The following MAGI1 variants were observed in gnomAD, a reference collection of about 807,000 sequenced individuals.
MAGI1 encodes membrane associated guanylate kinase, WW and PDZ domain containing 1, also known as membrane-associated guanylate kinase, WW and PDZ domain-containing protein 1.
In MAGI1, 58 loss-of-function variants were observed where a neutral mutation model predicts 139.9. The ratio of observed to expected loss-of-function variants is 0.41; its 90% CI spans 0.34 to 0.52. The LOEUF (loss-of-function observed/expected upper bound fraction) is 0.52. Among genes scored for constraint, MAGI1 ranks in the 20% least tolerant of loss-of-function variants. The probability of loss-of-function intolerance (pLI) is 0.12; values close to 1 mark genes in which losing one functional copy is unlikely to be tolerated. For missense variants in MAGI1, 1,874 were observed against 1,901.6 expected (o/e 0.99, Z 0.27); for synonymous variants, 812 against 737.9 (o/e 1.10, Z -1.63).
intron 1 of MAGI1, among the ~76,000 whole-genome samples, chr3:66,011,238 A>G (rs2067305308): frequency 6.6e-6 from 1 of 152,222 alleles, no homozygotes; most frequent in East Asian, 1.9e-4. Flanking sequence ...TAAATGCGCC[A>G]AAGGGAAAAT....
At chr3:65,817,354 A>T (rs964670921) in intron 1 of MAGI1, among the ~76,000 whole-genome samples, 4 of 152,204 alleles carry the variant, frequency 2.6e-5, no homozygotes, top group African/African-American at 9.6e-5. Context: ...TGTACGTATA[A>T]ATCCCTCCAT....
intron 1 of MAGI1, among the ~76,000 whole-genome samples, chr3:65,797,501 C>T (rs2040223220): frequency 1.3e-5 from 2 of 152,146 alleles, no homozygotes; most frequent in African/African-American, 2.4e-5. Context: ...GCCATGCAGA[C>T]GGCTTGAGCC....
chr3:65,971,042 A>G (rs537065247), intron 1 of MAGI1, among the ~76,000 whole-genome samples: 1 of 152,160 alleles, frequency 6.6e-6, no homozygotes, highest in Non-Finnish European at 1.5e-5. Flanking sequence ...ATCTCTACTA[A>G]AAATACAAAA....
chr3:65,380,056 C>T (rs1189497656), intron 16 of MAGI1, among the ~76,000 whole-genome samples: 1 of 152,228 alleles, frequency 6.6e-6, no homozygotes, highest in Non-Finnish European at 1.5e-5. Context: ...AACGTTGAGG[C>T]TACCCGCCCT....
chr3:65,932,779 T>A (rs2106747604), intron 1 of MAGI1, among the ~76,000 whole-genome samples: 1 of 151,342 alleles, frequency 6.6e-6, no homozygotes, highest in South Asian at 2.1e-4. Flanking sequence ...AGATCCTTCA[T>A]GAGGCCCTCT....
At chr3:65,862,552 C>T (rs1017295952) in intron 1 of MAGI1, among the ~76,000 whole-genome samples, 3 of 152,230 alleles carry the variant, frequency 2.0e-5, no homozygotes, top group South Asian at 4.1e-4. Context: ...TTCTATTCCA[C>T]AGCCTCACAT....
intron 1 of MAGI1, among the ~76,000 whole-genome samples, chr3:65,719,524 T>C (rs1284580262): frequency 6.6e-6 from 1 of 151,814 alleles, no homozygotes; most frequent in Non-Finnish European, 1.5e-5. Context: ...ATTAGAGAAG[T>C]ACCATAACTT....
At chr3:65,498,488 G>C (rs1172615601) in intron 2 of MAGI1, among the ~76,000 whole-genome samples, 1 of 152,080 alleles carries the variant, frequency 6.6e-6, no homozygotes, top group Non-Finnish European at 1.5e-5. Context: ...CCATTTCTCA[G>C]ATGTTCACTT....
chr3:65,844,672 G>A (rs896084482), intron 1 of MAGI1, among the ~76,000 whole-genome samples: 1 of 152,160 alleles, frequency 6.6e-6, no homozygotes, highest in Non-Finnish European at 1.5e-5. Context: ...GGGGTCCAGA[G>A]AAGCAGTTCT....
At chr3:65,438,148 T>C (rs1232230189) in intron 9 of MAGI1, among the ~76,000 whole-genome samples, 1 of 152,100 alleles carries the variant, frequency 6.6e-6, no homozygotes. Flanking sequence ...AGTGGATAAC[T>C]GGATAAAGAA....
Position 65,442,980 on chromosome 3 carries a change from C to T in MAGI1, c.1079-131G>A, listed in dbSNP as rs936569118. The T allele has an allele frequency of 4.2e-5, 23 of 552,892 alleles. 1 individual carries two copies. Among genetic ancestry groups the T allele is most frequent in the African/African-American group, 4.0e-4 (21 of 52,852 alleles). The allele number at this position is 552,892 out of a possible 1,614,324, so 34.2% of individuals were successfully genotyped here. A position where few individuals can be genotyped will look rare whatever the true frequency, so the allele number is the denominator to read the frequency against. On this transcript the variant is annotated intron_variant, in intron 7 of 22. Coordinates refer to ENST00000402939, the MANE Select transcript of MAGI1 (RefSeq NM_001033057.2). ...TTAAATCCAATTAAAACTGTATATCCTAACCAAAAAAAAAAAAGTATCTAT... is the reference window on the plus strand; with the variant it reads ...TTAAATCCAATTAAAACTGTATATCTTAACCAAAAAAAAAAAAGTATCTAT...
chr3:66,035,325 G>C (rs1166008252), intron 1 of MAGI1, among the ~76,000 whole-genome samples: 1 of 152,174 alleles, frequency 6.6e-6, no homozygotes, highest in Non-Finnish European at 1.5e-5. Flanking sequence ...TATCCAGAGT[G>C]ATCTGTGTCC....
chr3:65,673,148 G>T (rs1484386912), intron 1 of MAGI1, among the ~76,000 whole-genome samples: 2 of 152,142 alleles, frequency 1.3e-5, no homozygotes, highest in Non-Finnish European at 2.9e-5. Flanking sequence ...TTCGATGACT[G>T]AAGTTTTACA....
At chr3:66,010,923 A>G (rs918998726) in intron 1 of MAGI1, among the ~76,000 whole-genome samples, 14 of 152,222 alleles carry the variant, frequency 9.2e-5, no homozygotes, top group African/African-American at 3.1e-4. Context: ...GCCAGCTGTA[A>G]GCAAAGGGGC....
intron 1 of MAGI1, among the ~76,000 whole-genome samples, chr3:65,791,125 C>A (rs530947409): frequency 6.6e-6 from 1 of 152,128 alleles, no homozygotes; most frequent in Non-Finnish European, 1.5e-5. Flanking sequence ...ATGCTTTATA[C>A]GTGCAATTCT....
intron 1 of MAGI1, among the ~76,000 whole-genome samples, chr3:65,930,636 G>A (rs1175359940): frequency 6.6e-6 from 1 of 152,134 alleles, no homozygotes; most frequent in Non-Finnish European, 1.5e-5. Flanking sequence ...GATCAGATTG[G>A]TCGGCACAAG....
chr3:65,807,907 G>T (rs868847234), intron 1 of MAGI1, among the ~76,000 whole-genome samples: 1 of 152,080 alleles, frequency 6.6e-6, no homozygotes, highest in African/African-American at 2.4e-5. Context: ...TGTTTTTTCT[G>T]ATGGAGCCAA....
chr3:65,969,092 C>T (rs1202892282), intron 1 of MAGI1, among the ~76,000 whole-genome samples: 1 of 152,190 alleles, frequency 6.6e-6, no homozygotes, highest in Non-Finnish European at 1.5e-5. Flanking sequence ...TATTATCATA[C>T]TGAGGTCCTT....
chr3:65,543,562 T>C (rs1384112612), intron 2 of MAGI1, among the ~76,000 whole-genome samples: 2 of 152,188 alleles, frequency 1.3e-5, no homozygotes, highest in Non-Finnish European at 2.9e-5. Context: ...CATGGAATAC[T>C]ATGCAGCCAT....
Sources: gnomAD v4.1 joint callset for allele counts (sites outside exome capture counted in the v4.1 genomes callset) on GRCh38, gnomAD v4.1.1 for gene constraint, MANE v1.5 for transcripts, NCBI Gene and HGNC (gene_info 2026-07-23, HGNC 2026-07-21) for gene names.